Variants in ITGB2 observed in about 807,000 individuals in gnomAD.
ITGB2 encodes integrin beta-2.
In ITGB2, 56 loss-of-function variants were observed where a neutral mutation model predicts 86.8. The ratio of observed to expected loss-of-function variants is 0.65; its 90% CI spans 0.52 to 0.81. The LOEUF is 0.81. Ranked by LOEUF, ITGB2 falls within the 30% of genes least tolerant of loss-of-function variation. ITGB2 has a pLI of 0.00. For synonymous variants in ITGB2, 457 were observed against 450.4 expected, an observed-to-expected ratio of 1.01 and a Z score of -0.19; for missense variants, 948 against 1,061.2, an observed-to-expected ratio of 0.89 and a Z score of 1.48.
chr21:44,925,448 G>T (rs2084360921), upstream of ITGB2, among the ~76,000 whole-genome samples: 1 of 148,094 alleles, frequency 6.8e-6, no homozygotes, highest in African/African-American at 2.5e-5. Flanking sequence ...AGGAAGGAAG[G>T]AAGGAAGGAA....
chr21:44,900,536 G>A, intron 6 of ITGB2, 61 bp from the exon 7 acceptor site: 4 of 1,600,440 alleles, frequency 2.5e-6, no homozygotes, highest in Non-Finnish European at 3.4e-6. Flanking sequence ...CGGCCCTCTG[G>A]AGCAGAGGAG....
intron 1 of ITGB2, among the ~76,000 whole-genome samples, chr21:44,920,565 C>G (rs2084288050): frequency 1.3e-5 from 2 of 152,180 alleles, no homozygotes; most frequent in Non-Finnish European, 2.9e-5. Context: ...CTCACAGCCC[C>G]TTGTCCTCCC....
In ITGB2 at chr21:44,899,090, T is replaced by G. The variant is rs140355034; in HGVS notation, c.970A>C (p.Ser324Arg). Residue 324 changes from serine (S) to arginine (R), a missense_variant, in exon 8 of 16, where the codon AGT (serine) becomes CGT (arginine). Coordinates refer to ENST00000652462, the MANE Select transcript of ITGB2 (RefSeq NM_000211.5). ...NNIQPIFAVT[S>R]RMVKTYEKLT... Reference sequence around the variant, plus strand: ...ACCTCGTAGGTCTTCACCATCCTACTGGTCACCGCGAAGATGGGCTGGATG... The same window carrying G: ...ACCTCGTAGGTCTTCACCATCCTACGGGTCACCGCGAAGATGGGCTGGATG... 6.2e-7 allele frequency: 1 copy of G among 1,614,084 alleles called. No individual in the cohort carries two copies. The highest frequency in any genetic ancestry group is 8.5e-7 in the Non-Finnish European group (1 of 1,179,916).
At position 44,907,105 on chromosome 21, in the gene ITGB2, G is replaced by C; in HGVS notation, c.148-10C>G. 6.3e-7 allele frequency: 1 copy of C among 1,587,150 alleles called. No individual in the cohort carries two copies. The highest frequency in any genetic ancestry group is 8.6e-7 in the Non-Finnish European group (1 of 1,163,844). ...CCGGCCCTGTGAAGTTCTGGGGAGG[G>C]GGAGTCAGGGGTCAGGAGGGGGCCA... On this transcript the variant is annotated splice_polypyrimidine_tract_variant and intron_variant, in intron 3 of 15. Transcript: ENST00000652462.
In ITGB2 at chr21:44,899,079, C is replaced by T. The variant is rs1263970348; in HGVS notation, c.981G>A (p.Val327=). 1.9e-6 allele frequency: 3 copies of T among 1,613,612 alleles called. No individual in the cohort carries two copies. The highest frequency in any genetic ancestry group is 2.5e-6 in the Non-Finnish European group (3 of 1,179,636). ...CAACAGCACTCACCTCGTAGGTCTTCACCATCCTACTGGTCACCGCGAAGA... is the reference window on the plus strand; with the variant it reads ...CAACAGCACTCACCTCGTAGGTCTTTACCATCCTACTGGTCACCGCGAAGA... The part of the protein sequence containing the change: ...QPIFAVTSRM[V]KTYEKLTEII... Residue 327 remains valine, a synonymous_variant, in exon 8 of 16, where the codon GTG becomes GTA. Transcript: ENST00000652462.
chr21:44,895,203 G>A (rs2146511876), intron 8 of ITGB2, 143 bp from the exon 9 acceptor site: 4 of 709,064 alleles, frequency 5.6e-6, no homozygotes, highest in Admixed American at 4.0e-5. Context: ...TCCCCAGAGT[G>A]TGTGGTCAGT....
At chr21:44,906,825 C>A in intron 4 of ITGB2, 90 bp downstream of exon 4, 1 of 1,415,856 alleles carries the variant, frequency 7.1e-7, no homozygotes, top group Non-Finnish European at 1.0e-6. Flanking sequence ...TTCTGGGCAG[C>A]CCTGACACCC....
At chr21:44,889,922 A>G in intron 12 of ITGB2, 56 bp downstream of exon 12, 1 of 1,607,482 alleles carries the variant, frequency 6.2e-7, no homozygotes, top group African/African-American at 1.3e-5. Flanking sequence ...CGCACCCCCC[A>G]ACACCAAGTC....
rs752687370 is a variant in ITGB2, at chr21:44,903,410, C to T, written c.454G>A (p.Asp152Asn). Reference sequence around the variant, plus strand: ...ATCTCGTTGAGGGCCCGGAGCAGGTCGCCACCTAGCTTCTTGACATTCCTG... The same window carrying T: ...ATCTCGTTGAGGGCCCGGAGCAGGTTGCCACCTAGCTTCTTGACATTCCTG... ...DLRNVKKLGG[D>N]LLRALNEITE... The change falls in exon 5 of 16, where the codon GAC becomes AAC. Residue 152 changes from aspartate to asparagine, a missense_variant. Physicochemically the swap from Asp to Asn is conservative, Grantham distance 23. Transcript: ENST00000652462. 1.3e-5 allele frequency: 21 copies of T among 1,613,958 alleles called. No individual in the cohort carries two copies. The highest frequency in any genetic ancestry group is 1.7e-5 in the Non-Finnish European group (20 of 1,179,984).
At chr21:44,917,408 C>T (rs1267445018) in intron 1 of ITGB2, among the ~76,000 whole-genome samples, 1 of 152,144 alleles carries the variant, frequency 6.6e-6, no homozygotes, top group African/African-American at 2.4e-5. Context: ...GTATTTTCCA[C>T]CCTTTTTGTG....
Position 44,890,115 on chromosome 21 carries a change from G to A in ITGB2, c.1520C>T (p.Ser507Leu), listed in dbSNP as rs1448734879. Residue 507 changes from serine to leucine, a missense_variant, in exon 12 of 16, where the codon TCA becomes TTA. Physicochemically the swap from Ser to Leu is moderately radical, Grantham distance 145. Coordinates refer to ENST00000652462, the MANE Select transcript of ITGB2 (RefSeq NM_000211.5). The stretch of plus-strand genomic sequence containing the variant: ...CCCGCAGACACAGTCCCCCAGCCCT[G>A]AGCAGATGATGGAGTTGTTGTCCTT... Reference protein sequence around the residue: ...CRKDNNSIICSGLGDCVCGQC... With the variant: ...CRKDNNSIICLGLGDCVCGQC... 1 of 1,613,486 alleles carries A rather than the reference G, an allele frequency of 6.2e-7. No homozygotes were observed. The highest frequency in any genetic ancestry group is 8.5e-7 in the Non-Finnish European group (1 of 1,180,018).
rs753098490 is a variant in ITGB2, at chr21:44,886,220, G to A, written c.*148C>T. ...CCCGACGAGCCCCCAGAAGCACCCGGCCGGCCATGGCTGTCATTTTGAGGG... is the reference window on the plus strand; with the variant it reads ...CCCGACGAGCCCCCAGAAGCACCCGACCGGCCATGGCTGTCATTTTGAGGG... On this transcript the variant is annotated 3_prime_UTR_variant, in exon 16 of 16. Transcript: ENST00000652462. 5.3e-5 allele frequency: 41 copies of A among 774,384 alleles called. No homozygotes were observed. Among genetic ancestry groups the A allele is most frequent in the Non-Finnish European group, 8.3e-5 (37 of 444,188 alleles). The allele number at this position is 774,384 out of a possible 1,614,324, so 48.0% of individuals were successfully genotyped here.
intron 10 of ITGB2, 134 bp from the exon 11 acceptor site, chr21:44,892,130 G>T: frequency 1.1e-6 from 1 of 869,680 alleles, no homozygotes; most frequent in Non-Finnish European, 1.8e-6. Flanking sequence ...ACCAGGAGCA[G>T]GAAGAGCTGA....
intron 4 of ITGB2, among the ~76,000 whole-genome samples, chr21:44,905,845 C>T (rs2084034444): frequency 6.6e-6 from 1 of 152,082 alleles, no homozygotes; most frequent in South Asian, 2.1e-4. Context: ...GTCACCTGGC[C>T]GCCTGCACCC....
Position 44,895,046 on chromosome 21 carries a change from G to T in ITGB2, c.1008C>A (p.Ile336=). ...GCTCCCCCACGGCTGACTTGGGGAT[G>T]ATCTCGGTGAGTTTCTGTTGGGCAA... ...MVKTYEKLTE[I]IPKSAVGELS... Residue 336 remains isoleucine, a synonymous_variant, in exon 9 of 16, where the codon ATC becomes ATA. Coordinates refer to ENST00000652462, the MANE Select transcript of ITGB2 (RefSeq NM_000211.5). The T allele has an allele frequency of 6.2e-7, 1 of 1,613,332 alleles. No individual in the cohort carries two copies. Among genetic ancestry groups the T allele is most frequent in the Non-Finnish European group, 8.5e-7 (1 of 1,179,536 alleles).
At chr21:44,915,397 A>G (rs897799084) in intron 1 of ITGB2, among the ~76,000 whole-genome samples, 1 of 152,058 alleles carries the variant, frequency 6.6e-6, no homozygotes, top group Admixed American at 6.5e-5. Flanking sequence ...CCGCAGACCC[A>G]TTGGAACTTT....
chr21:44,891,284 C>G (rs2146503089), intron 11 of ITGB2, among the ~76,000 whole-genome samples: 1 of 152,280 alleles, frequency 6.6e-6, no homozygotes, highest in South Asian at 2.1e-4. Flanking sequence ...TGTGCACGCC[C>G]AAGAGGTGGC....
rs1156274022 is a variant in ITGB2 at position 44,888,898 on chromosome 21, G to A, written c.1878-3C>T. On this transcript the variant is annotated splice_region_variant and splice_polypyrimidine_tract_variant and intron_variant, in intron 13 of 15. Coordinates refer to ENST00000652462, the MANE Select transcript of ITGB2 (RefSeq NM_000211.5). ...ACTTCAGGCACTCGGCGCAGGAGCT[G>A]CGGGGAGCCAGGTGTGAGCATCGGT... 1 of 1,603,200 alleles carries A rather than the reference G, an allele frequency of 6.2e-7. No individual in the cohort carries two copies. The highest frequency in any genetic ancestry group is 1.7e-5 in the Admixed American group (1 of 60,004).
intron 1 of ITGB2, among the ~76,000 whole-genome samples, chr21:44,918,236 C>T (rs73376530): frequency 6.6e-6 from 1 of 152,236 alleles, no homozygotes; most frequent in Non-Finnish European, 1.5e-5. Context: ...AGCCAGCCTC[C>T]GGTGACATGG....
Sources: gnomAD v4.1 joint callset for allele counts (sites outside exome capture counted in the v4.1 genomes callset) on GRCh38, gnomAD v4.1.1 for gene constraint, MANE v1.5 for transcripts, NCBI Gene and HGNC (gene_info 2026-07-23, HGNC 2026-07-21) for gene names.